The following RBFOX1 variants were observed in gnomAD, a reference collection of about 807,000 sequenced individuals.
RBFOX1 encodes the protein RNA binding protein fox-1 homolog 1.
Under a neutral mutation model 57.7 loss-of-function variants are expected in RBFOX1, and 8 were observed. That is an observed-to-expected ratio of 0.14 (90% CI 0.08 to 0.25). The LOEUF (loss-of-function observed/expected upper bound fraction) is 0.25. Among genes scored for constraint, RBFOX1 ranks in the 10% least tolerant of loss-of-function variants. The pLI is 1.00. For synonymous variants in RBFOX1, 326 were observed against 222.4 expected (o/e 1.47, Z -4.15); for missense variants, 611 against 548.5 (o/e 1.11, Z -1.14).
chr16:7,706,363 G>A (rs781639040), intron 14 of RBFOX1, among the ~76,000 whole-genome samples: 4 of 152,196 alleles, frequency 2.6e-5, no homozygotes, highest in South Asian at 2.1e-4. Context: ...CAATGCTGCT[G>A]TATTTTCCTT....
intron 4 of RBFOX1, among the ~76,000 whole-genome samples, chr16:7,466,468 A>G (rs1026583145): frequency 1.3e-5 from 2 of 152,150 alleles, no homozygotes. Flanking sequence ...CTCGGTTTTA[A>G]AAAGTCACCC....
intron 4 of RBFOX1, among the ~76,000 whole-genome samples, chr16:7,189,554 A>ACACAC (rs1567633599): frequency 0.018 from 2,388 of 135,840 alleles, 62 homozygotes; most frequent in African/African-American, 0.053. Context: ...TGTCCCCCAA[A>ACACAC]ACACACACAC....
chr16:6,471,116 C>T (rs1343546960), intron 2 of RBFOX1, among the ~76,000 whole-genome samples: 1 of 152,168 alleles, frequency 6.6e-6, no homozygotes. Context: ...GCCCCCTTTC[C>T]CTGCCTGGTC....
intron 2 of RBFOX1, among the ~76,000 whole-genome samples, chr16:5,536,338 G>T (rs919677975): frequency 1.3e-5 from 2 of 149,074 alleles, no homozygotes; most frequent in African/African-American, 2.5e-5. Context: ...GGGTTCAAGC[G>T]ATTCTCCTGC....
intron 3 of RBFOX1, among the ~76,000 whole-genome samples, chr16:7,023,712 AC>A (rs1167173848): frequency 6.6e-6 from 1 of 151,780 alleles, no homozygotes; most frequent in African/African-American, 2.4e-5. Context: ...GGTGTTACTT[AC>A]TCTACAGTAC....
downstream of RBFOX1, among the ~76,000 whole-genome samples, chr16:5,600,984 C>G (rs73525603): frequency 2.6e-5 from 4 of 152,174 alleles, no homozygotes; most frequent in African/African-American, 4.8e-5. Flanking sequence ...TACCCTCTGA[C>G]CCACCTGCAT....
intron 4 of RBFOX1, among the ~76,000 whole-genome samples, chr16:7,120,830 T>TATATACACACACACACAC (rs1226442313): frequency 4.4e-4 from 38 of 86,540 alleles, no homozygotes; most frequent in Non-Finnish European, 8.3e-4. Context: ...TATGTATATA[T>TATATACACACACACACAC]ACACACACAC....
At chr16:5,388,638 A>G (rs1009664720) in intron 1 of RBFOX1, among the ~76,000 whole-genome samples, 11 of 151,936 alleles carry the variant, frequency 7.2e-5, no homozygotes, top group African/African-American at 2.4e-4. Context: ...GTGGCGTGGT[A>G]TGATCTCAGC....
chr16:5,334,471 T>C (rs2064846086), intron 1 of RBFOX1, among the ~76,000 whole-genome samples: 1 of 152,066 alleles, frequency 6.6e-6, no homozygotes, highest in Non-Finnish European at 1.5e-5. Context: ...CCATATCTTT[T>C]CAGAAGAGAA....
chr16:5,561,603 A>T (rs2045893434), intron 2 of RBFOX1, among the ~76,000 whole-genome samples: 1 of 152,164 alleles, frequency 6.6e-6, no homozygotes, highest in Non-Finnish European at 1.5e-5. Flanking sequence ...AAGGTTTTAA[A>T]TACATTTCCA....
chr16:6,864,976 G>A lies in RBFOX1; in HGVS notation c.-15-187081G>A, dbSNP rs189020054. On this transcript the variant is annotated intron_variant, in intron 3 of 15. Transcript: ENST00000550418. The stretch of plus-strand genomic sequence containing the variant: ...GTTCCTCAATCCCAGTGCCAATGTT[G>A]GAGTGGGTTTTTCTTTTTCTTTTTT... Among the ~76,000 whole-genome samples the A allele has an allele frequency of 6.3e-3, 915 of 144,374 alleles. 36 individuals are homozygous for A. The highest frequency in any genetic ancestry group is 0.057 in the Admixed American group (826 of 14,556). The allele number at this position is 144,374 out of a possible 152,430, so 94.7% of individuals were successfully genotyped here.
At chr16:6,123,427 C>G (rs938838738) in intron 1 of RBFOX1, among the ~76,000 whole-genome samples, 1 of 152,114 alleles carries the variant, frequency 6.6e-6, no homozygotes, top group Non-Finnish European at 1.5e-5. Flanking sequence ...CTATATGGTT[C>G]TACTTCTAGG....
At chr16:7,065,830 A>G (rs1285389306) in intron 4 of RBFOX1, among the ~76,000 whole-genome samples, 1 of 152,150 alleles carries the variant, frequency 6.6e-6, no homozygotes, top group East Asian at 1.9e-4. Flanking sequence ...GCCTCTGGTA[A>G]TCACCATTCT....
chr16:6,370,362 G>GAAAA (rs71145221), intron 2 of RBFOX1, among the ~76,000 whole-genome samples: 14 of 81,972 alleles, frequency 1.7e-4, no homozygotes, highest in East Asian at 9.0e-4. Context: ...CGTCTCAAAA[G>GAAAA]AAAAAAAAAA....
chr16:7,705,364 G>C (rs1431006531), intron 14 of RBFOX1, among the ~76,000 whole-genome samples: 3 of 152,116 alleles, frequency 2.0e-5, no homozygotes, highest in Non-Finnish European at 4.4e-5. Flanking sequence ...AATTAGCTGG[G>C]TGTGGTGGCA....
chr16:7,646,358 T>G (rs2063738830), intron 11 of RBFOX1, among the ~76,000 whole-genome samples: 1 of 152,198 alleles, frequency 6.6e-6, no homozygotes, highest in Admixed American at 6.5e-5. Context: ...CCAAGGGGAA[T>G]CCTGCAAAAC....
At chr16:7,206,503 A>G (rs904342089) in intron 4 of RBFOX1, among the ~76,000 whole-genome samples, 1 of 151,868 alleles carries the variant, frequency 6.6e-6, no homozygotes, top group Non-Finnish European at 1.5e-5. Flanking sequence ...ACACACACAT[A>G]TATTTTAGAA....
chr16:7,114,700 G>A (rs1462067865), intron 4 of RBFOX1, among the ~76,000 whole-genome samples: 1 of 152,200 alleles, frequency 6.6e-6, no homozygotes, highest in African/African-American at 2.4e-5. Flanking sequence ...GAGTCCTTGT[G>A]CTGTTTTCCT....
chr16:5,976,796 G>C (rs572426536), intron 4 of RBFOX1, among the ~76,000 whole-genome samples: 15 of 152,304 alleles, frequency 9.8e-5, no homozygotes, highest in African/African-American at 3.4e-4. Context: ...TTGAACTTGG[G>C]AGGTGGAGGT....
Sources: gnomAD v4.1 joint callset for allele counts (sites outside exome capture counted in the v4.1 genomes callset) on GRCh38, gnomAD v4.1.1 for gene constraint, MANE v1.5 for transcripts, NCBI Gene and HGNC (gene_info 2026-07-23, HGNC 2026-07-21) for gene names.